Variants in TBC1D5 observed in about 807,000 individuals in gnomAD.
The protein encoded by TBC1D5 is TBC1 domain family member 5.
A neutral mutation model predicts 100.3 loss-of-function variants in TBC1D5; 75 were observed. The ratio of observed to expected loss-of-function variants is 0.75; its 90% CI spans 0.62 to 0.91. The LOEUF (loss-of-function observed/expected upper bound fraction) is 0.91, where lower values mean the gene tolerates loss of function less well. Ranked by LOEUF, TBC1D5 falls within the 40% of genes least tolerant of loss-of-function variation. The pLI, the probability that TBC1D5 is intolerant of heterozygous loss-of-function variation, is 0.00. For synonymous variants in TBC1D5, 323 were observed against 325.6 expected (o/e 0.99, Z 0.09); for missense variants, 910 against 942.4 (o/e 0.97, Z 0.45).
intron 2 of TBC1D5, chr3:17,622,911 G>A (rs908823829): frequency 6.6e-6 from 1 of 152,186 alleles, no homozygotes; most frequent in Non-Finnish European, 1.5e-5. Context: ...GTGACATGAA[G>A]CTTTCTACAT....
chr3:17,662,117 T>C (rs1354277199), intron 1 of TBC1D5, among the ~76,000 whole-genome samples: 3 of 152,136 alleles, frequency 2.0e-5, no homozygotes, highest in African/African-American at 4.8e-5. Context: ...GGTCTCTAAC[T>C]CCTGGCCCCA....
At chr3:17,158,161 C>CAA (rs1242177393) in exon 22 of TBC1D5, 4 of 152,092 alleles carry the variant, frequency 2.6e-5, no homozygotes, top group African/African-American at 9.7e-5. Context: ...ACGTAATGTA[C>CAA]AAAGCTAAAT....
rs561284462 is a variant in TBC1D5, at chr3:17,444,470, T to A, written c.98-15951A>T. ...TTTTAACTGGCTACATAATAATCAA[T>A]GTATGTCCTATAATTTATTTAACCA... On this transcript the variant is annotated intron_variant, in intron 3 of 21. Transcript: ENST00000253692. Among the ~76,000 whole-genome samples, 27 of 152,242 alleles carry A rather than the reference T, an allele frequency of 1.8e-4. 1 individual carries two copies. In the South Asian group the frequency reaches 5.4e-3, roughly 30 times the overall value.
intron 2 of TBC1D5, among the ~76,000 whole-genome samples, chr3:17,530,603 G>A (rs1576541352): frequency 6.6e-6 from 1 of 152,148 alleles, no homozygotes; most frequent in Admixed American, 6.5e-5. Context: ...TACTTGAATA[G>A]TTATATTTTC....
intron 13 of TBC1D5, among the ~76,000 whole-genome samples, chr3:17,346,773 C>G (rs1378052698): frequency 6.6e-6 from 1 of 152,122 alleles, no homozygotes; most frequent in Non-Finnish European, 1.5e-5. Context: ...GTATGCATAA[C>G]AGATTTATTA....
intron 1 of TBC1D5, among the ~76,000 whole-genome samples, chr3:17,721,459 ATGTG>A (rs59017875): frequency 0.013 from 1,975 of 148,396 alleles, 24 homozygotes; most frequent in African/African-American, 0.022. Context: ...GTGTGAGAGC[ATGTG>A]TGTGTGTGTG....
At chr3:17,197,762 T>G (rs974319108) in intron 18 of TBC1D5, among the ~76,000 whole-genome samples, 1 of 152,114 alleles carries the variant, frequency 6.6e-6, no homozygotes, top group African/African-American at 2.4e-5. Context: ...CTGGATGGGG[T>G]GCAGTAGCTC....
chr3:17,320,432 G>C (rs546783627), intron 13 of TBC1D5, among the ~76,000 whole-genome samples: 41 of 152,310 alleles, frequency 2.7e-4, no homozygotes, highest in African/African-American at 8.4e-4. Context: ...GCTCAAGTTT[G>C]AGAACCACTA....
At chr3:17,470,362 C>A (rs2095358616) in intron 3 of TBC1D5, among the ~76,000 whole-genome samples, 1 of 152,130 alleles carries the variant, frequency 6.6e-6, no homozygotes, top group African/African-American at 2.4e-5. Context: ...TATATCAAAG[C>A]ATTACCAATT....
At chr3:17,422,193 C>G (rs1481107421) in intron 4 of TBC1D5, among the ~76,000 whole-genome samples, 1 of 151,776 alleles carries the variant, frequency 6.6e-6, no homozygotes, top group Non-Finnish European at 1.5e-5. Flanking sequence ...TGTTTTGAGA[C>G]AGTTTTTTTT....
chr3:17,264,109 C>T (rs2078620033), intron 15 of TBC1D5, among the ~76,000 whole-genome samples: 2 of 150,350 alleles, frequency 1.3e-5, no homozygotes, highest in Non-Finnish European at 2.9e-5. Flanking sequence ...CCACTCTTAC[C>T]CCTATGGCAA....
At chr3:17,699,679 G>A (rs1339215372) in intron 1 of TBC1D5, among the ~76,000 whole-genome samples, 2 of 96,468 alleles carry the variant, frequency 2.1e-5, no homozygotes, top group Non-Finnish European at 4.3e-5. Flanking sequence ...AGTATATGTA[G>A]ATCCTCCAGT....
chr3:17,548,172 G>A (rs537439057), intron 2 of TBC1D5, among the ~76,000 whole-genome samples: 123 of 152,038 alleles, frequency 8.1e-4, no homozygotes, highest in Admixed American at 1.8e-3. Context: ...AAAATCAGCC[G>A]GGCATGGTGG....
intron 2 of TBC1D5, among the ~76,000 whole-genome samples, chr3:17,595,395 T>C (rs2060498500): frequency 6.6e-6 from 1 of 152,194 alleles, no homozygotes; most frequent in Non-Finnish European, 1.5e-5. Flanking sequence ...AATAACTTCC[T>C]AGTTTCTAGC....
chr3:17,423,117 C>A (rs961162623), intron 4 of TBC1D5, among the ~76,000 whole-genome samples: 1 of 152,086 alleles, frequency 6.6e-6, no homozygotes, highest in African/African-American at 2.4e-5. Flanking sequence ...TTTGGAAGCT[C>A]TGATAAATAT....
chr3:17,511,244 T>G (rs2095902695), intron 2 of TBC1D5, among the ~76,000 whole-genome samples: 1 of 152,068 alleles, frequency 6.6e-6, no homozygotes, highest in Non-Finnish European at 1.5e-5. Context: ...GCAACTATCT[T>G]AATGTAAGAT....
chr3:17,180,978 G>A (rs773217627), intron 19 of TBC1D5, among the ~76,000 whole-genome samples: 17 of 151,310 alleles, frequency 1.1e-4, no homozygotes, highest in Middle Eastern at 3.2e-3. Context: ...CGATATGAAT[G>A]GAACTTTGCG....
At chr3:17,613,872 C>A (rs1293348316) in intron 2 of TBC1D5, among the ~76,000 whole-genome samples, 1 of 152,176 alleles carries the variant, frequency 6.6e-6, no homozygotes, top group Non-Finnish European at 1.5e-5. Context: ...TTTTGCTATG[C>A]AGAAGCTTTT....
intron 4 of TBC1D5, among the ~76,000 whole-genome samples, chr3:17,421,669 C>T (rs118108518): frequency 0.016 from 2,509 of 152,248 alleles, 52 homozygotes; most frequent in South Asian, 0.047. Context: ...GTACTTTACA[C>T]ATTTTACAGT....
Sources: allele counts gnomAD v4.1 joint callset (sites outside exome capture counted in the v4.1 genomes callset), GRCh38; gene constraint gnomAD v4.1.1; transcripts MANE v1.5; gene names NCBI Gene and HGNC (gene_info 2026-07-23, HGNC 2026-07-21).